The following KRT24 variants were observed in gnomAD, a reference collection of about 807,000 sequenced individuals.
The protein encoded by KRT24 is keratin 24.
In KRT24, 44 loss-of-function variants were observed where a neutral mutation model predicts 51.7. The ratio of observed to expected loss-of-function variants is 0.85; its 90% CI spans 0.67 to 1.09. The LOEUF (loss-of-function observed/expected upper bound fraction) is 1.09. Among genes scored for constraint, KRT24 ranks in the 50% least tolerant of loss-of-function variants. The probability of loss-of-function intolerance (pLI) is 0.00; values close to 1 mark genes in which losing one functional copy is unlikely to be tolerated. For missense variants in KRT24, 633 were observed against 647.0 expected (o/e 0.98, Z 0.24); for synonymous variants, 241 against 249.5 (o/e 0.97, Z 0.32).
Position 40,699,593 on chromosome 17 carries a change from T to A in KRT24, c.1212A>T (p.Gln404His). 6.2e-7 allele frequency: 1 copy of A among 1,614,222 alleles called. No individual in the cohort carries two copies. Among genetic ancestry groups the A allele is most frequent in the Non-Finnish European group, 8.5e-7 (1 of 1,180,030 alleles). The change falls in exon 6 of 8, where the codon CAA becomes CAT. Residue 404 changes from glutamine to histidine, a missense_variant. Transcript: ENST00000264651. ...CCTCCTCCAGGGCACTGATCTGCGT[T>A]TGAATTTCTGACAGCTGAGCCACGT... Reference protein sequence around the residue: ...AGYVAQLSEIQTQISALEEEI... With the variant: ...AGYVAQLSEIHTQISALEEEI...
rs763085582 is a variant in KRT24 at position 40,699,519 on chromosome 17, T to C, written c.1286A>G (p.Lys429Arg). The C allele has an allele frequency of 2.5e-6, 4 of 1,613,970 alleles. No homozygotes were observed. The South Asian group carries it at 4.4e-5, about 18-fold the overall frequency. ...GCGTGTCTTGATGTCCAGCAATTGC[T>C]TGTACTCTGCGTTCTGGCATTTAGT... ...GETKCQNAEY[K>R]QLLDIKTRLE... The change falls in exon 6 of 8, where the codon AAG becomes AGG. Residue 429 changes from lysine (K) to arginine (R), a missense_variant. Coordinates refer to ENST00000264651, the MANE Select transcript of KRT24 (RefSeq NM_019016.3).
At chr17:40,702,018 G>A in intron 1 of KRT24, 85 bp from the exon 2 acceptor site, 1 of 587,888 alleles carries the variant, frequency 1.7e-6, no homozygotes, top group Non-Finnish European at 2.9e-6. Context: ...GCTGTTGCCT[G>A]TGTTATTAGC....
chr17:40,699,753 C>T, intron 5 of KRT24, 92 bp from the exon 6 acceptor site: 1 of 1,138,498 alleles, frequency 8.8e-7, no homozygotes. Context: ...TAGAAGTGCA[C>T]CTTCGCCATA....
chr17:40,702,170 T>C (rs573028876), intron 1 of KRT24, among the ~76,000 whole-genome samples: 1 of 152,126 alleles, frequency 6.6e-6, no homozygotes, highest in East Asian at 1.9e-4. Flanking sequence ...TAGCTGGGAT[T>C]ACAGGGGCGT....
intron 6 of KRT24, among the ~76,000 whole-genome samples, 192 bp downstream of exon 6, chr17:40,699,252 C>T (rs1022418729): frequency 2.0e-5 from 3 of 152,110 alleles, no homozygotes; most frequent in Non-Finnish European, 2.9e-5. Context: ...TCTTGAACTC[C>T]TGGGCTCACG....
chr17:40,701,760 TA>T (rs1567863075), intron 2 of KRT24, 90 bp downstream of exon 2: 532 of 41,042 alleles, frequency 0.013, 19 homozygotes, highest in African/African-American at 0.06. Context: ...TATATATATA[TA>T]TATATATATA....
At chr17:40,702,563 C>CT (rs1465845668) in intron 1 of KRT24, among the ~76,000 whole-genome samples, 2 of 152,158 alleles carry the variant, frequency 1.3e-5, no homozygotes, top group Non-Finnish European at 2.9e-5. Context: ...ATCTCATGAG[C>CT]TTTTTCAGAA....
chr17:40,703,175 C>T lies in KRT24; in HGVS notation c.519G>A (p.Lys173=). 6.2e-7 allele frequency: 1 copy of T among 1,614,166 alleles called. No homozygotes were observed. Among genetic ancestry groups the T allele is most frequent in the Admixed American group, 1.7e-5 (1 of 60,018 alleles). Residue 173 remains lysine, a synonymous_variant, in exon 1 of 8, where the codon AAG becomes AAA. Coordinates refer to ENST00000264651, the MANE Select transcript of KRT24 (RefSeq NM_019016.3). The part of the protein sequence containing the change: ...EANTDLENKI[K]EWYDKYGPGS... ...CAGGCCCATATTTGTCATACCACTC[C>T]TTGATTTTGTTCTCCAGATCAGTGT...
At chr17:40,700,478 T>C (rs1267899549) in intron 3 of KRT24, 95 bp from the exon 4 acceptor site, 1 of 869,116 alleles carries the variant, frequency 1.2e-6, no homozygotes, top group Non-Finnish European at 1.7e-6. Context: ...AGTAGGACAC[T>C]GAAAGGAAAA....
chr17:40,698,628 C>T lies in KRT24; in HGVS notation c.1384G>A (p.Gly462Ser). Residue 462 changes from glycine (G) to serine (S), a missense_variant, in exon 7 of 8, where the codon GGT (glycine) becomes AGT (serine). Gly to Ser is a moderately conservative substitution (Grantham distance 56). Coordinates refer to ENST00000264651, the MANE Select transcript of KRT24 (RefSeq NM_019016.3). The stretch of plus-strand genomic sequence containing the variant: ...TTTACAGATCCTGAGTTTCTACCAC[C>T]AAATTCTGCAAAACTAGAACCACTG... ...EGGGSSFAEF[G>S]GRNSGSVNMG... 1 of 1,597,774 alleles carries T rather than the reference C, an allele frequency of 6.3e-7. No individual in the cohort carries two copies. The highest frequency in any genetic ancestry group is 1.1e-5 in the South Asian group (1 of 90,470).
chr17:40,699,343 T>G, intron 6 of KRT24, 101 bp downstream of exon 6: 1 of 889,902 alleles, frequency 1.1e-6, no homozygotes, highest in Non-Finnish European at 1.9e-6. Context: ...GTTACTTTAT[T>G]ACTCTCTATA....
rs774680079 is a variant in KRT24 at position 40,701,837 on chromosome 17, T to G, written c.698+14A>C. ...CTCCCGTAACACTTGTTTTCAAGTCTTTATGTTTCTTACTTCAGTCTGAAG... is the reference window on the plus strand; with the variant it reads ...CTCCCGTAACACTTGTTTTCAAGTCGTTATGTTTCTTACTTCAGTCTGAAG... On this transcript the variant is annotated intron_variant, in intron 2 of 7. Coordinates refer to ENST00000264651, the MANE Select transcript of KRT24 (RefSeq NM_019016.3). 7.8e-7 allele frequency: 1 copy of G among 1,277,514 alleles called. No individual in the cohort carries two copies. The highest frequency in any genetic ancestry group is 2.1e-5 in the South Asian group (1 of 46,792). 79.1% of individuals were successfully genotyped at this position (1,277,514 alleles called of 1,614,324 possible).
chr17:40,703,572 TG>T lies in KRT24; in HGVS notation c.121del (p.Gln41ArgfsTer12), dbSNP rs778908495. On this transcript the variant is annotated frameshift_variant, in exon 1 of 8. Coordinates refer to ENST00000264651, the MANE Select transcript of KRT24 (RefSeq NM_019016.3). LOFTEE classifies it high-confidence loss of function. ...SRCGLGGSSA[Q>X]GFRGGASSCS... ...GCTGCTGGCTCCTCCTCGGAAGCCC[TG>T]GGCCGAGCTGCCCCCCAGACCACAT... is the stretch of plus-strand genomic sequence containing the variant. The T allele has an allele frequency of 7.6e-5, 121 of 1,601,438 alleles. No homozygotes were observed. In the African/African-American group the frequency reaches 1.3e-3, roughly 18 times the overall value.
Position 40,699,557 on chromosome 17 carries a change from C to A in KRT24, c.1248G>T (p.Gln416His), listed in dbSNP as rs1356717020. 9.3e-6 allele frequency: 15 copies of A among 1,613,890 alleles called. No individual in the cohort carries two copies. The highest frequency in any genetic ancestry group is 2.7e-5 in the African/African-American group (2 of 74,918). ...TCTGGCATTTAGTCTCACCCCAGAT[C>A]TGGCAGATCTCCTCCTCCAGGGCAC... is the stretch of plus-strand genomic sequence containing the variant. ...QISALEEEICQIWGETKCQNA... is the reference protein window; with the variant it reads ...QISALEEEICHIWGETKCQNA... The change falls in exon 6 of 8, where the codon CAG (glutamine) becomes CAT (histidine). Residue 416 changes from glutamine (Q) to histidine (H), a missense_variant. By Grantham distance (24) the Gln-to-His change is conservative. Coordinates refer to ENST00000264651, the MANE Select transcript of KRT24 (RefSeq NM_019016.3).
intron 1 of KRT24, among the ~76,000 whole-genome samples, chr17:40,702,528 A>G (rs1285332411): frequency 6.6e-6 from 1 of 152,168 alleles, no homozygotes; most frequent in Non-Finnish European, 1.5e-5. Context: ...TCCTCTGCAT[A>G]TTTCTGCTAC....
rs908814457 is a variant in KRT24 at position 40,703,671 on chromosome 17, G to A, written c.23C>T (p.Ser8Phe). The stretch of plus-strand genomic sequence containing the variant: ...GCTGCTGCCTCCAGCCCTGGAGGAG[G>A]AGGCGCGAGACGAGCAAGACATGGT... The part of the protein sequence containing the change: MSCSSRA[S>F]SSRAGGSSSA... The change falls in exon 1 of 8, where the codon TCC (serine) becomes TTC (phenylalanine). Residue 8 changes from serine to phenylalanine, a missense_variant. By Grantham distance (155) the Ser-to-Phe change is radical. Transcript: ENST00000264651. The A allele has an allele frequency of 7.6e-6, 12 of 1,578,502 alleles. No individual in the cohort carries two copies. In the African/African-American group the frequency reaches 9.5e-5, roughly 12 times the overall value.
rs775712665 is a variant in KRT24 at position 40,701,249 on chromosome 17, T to C, written c.746A>G (p.Asn249Ser). The change falls in exon 3 of 8, where the codon AAT (asparagine) becomes AGT (serine). Residue 249 changes from asparagine (N) to serine (S), a missense_variant. Physicochemically the swap from Asn to Ser is conservative, Grantham distance 46. Coordinates refer to ENST00000264651, the MANE Select transcript of KRT24 (RefSeq NM_019016.3). The part of the protein sequence containing the change: ...CLRQSVEADI[N>S]GLRKVLDDLT... ...GTCATCCAGGACTTTCCGCAGGCCA[T>C]TGATGTCAGCCTCCACGCTCTGCCG... The C allele has an allele frequency of 5.0e-6, 8 of 1,614,008 alleles. No individual in the cohort carries two copies. In the East Asian group the frequency reaches 1.3e-4, roughly 27 times the overall value.
intron 5 of KRT24, 49 bp from the exon 6 acceptor site, chr17:40,699,710 A>G: frequency 6.5e-7 from 1 of 1,533,382 alleles, no homozygotes; most frequent in South Asian, 1.1e-5. Flanking sequence ...AAATCATTGG[A>G]TGATTTTTTA....
chr17:40,698,974 T>G (rs140894156), intron 6 of KRT24, among the ~76,000 whole-genome samples: 196 of 151,548 alleles, frequency 1.3e-3, no homozygotes, highest in African/African-American at 4.6e-3. Flanking sequence ...CCTCCTGAGC[T>G]CAAGTGATCT....
Sources: allele counts gnomAD v4.1 joint callset (sites outside exome capture counted in the v4.1 genomes callset), GRCh38; gene constraint gnomAD v4.1.1; transcripts MANE v1.5; gene names NCBI Gene and HGNC (gene_info 2026-07-23, HGNC 2026-07-21).